The following TEAD2 variants were observed in gnomAD, a reference collection of about 807,000 sequenced individuals.
TEAD2 encodes the protein transcriptional enhancer factor TEF-4.
Under a neutral mutation model 61.4 loss-of-function variants are expected in TEAD2, and 51 were observed. The observed-to-expected ratio is 0.83, with a 90% confidence interval of 0.66 to 1.05. The LOEUF (loss-of-function observed/expected upper bound fraction) is 1.05, where lower values mean the gene tolerates loss of function less well. Ranked by LOEUF, TEAD2 falls within the 50% of genes least tolerant of loss-of-function variation. The pLI is 0.00. For missense variants in TEAD2, 509 were observed against 600.0 expected (o/e 0.85, Z 1.58); for synonymous variants, 244 against 243.2 (o/e 1.00, Z -0.03).
chr19:49,343,795 G>T (rs1971455776), intron 10 of TEAD2, among the ~76,000 whole-genome samples: 1 of 145,924 alleles, frequency 6.9e-6, no homozygotes, highest in African/African-American at 2.5e-5. Flanking sequence ...TACCCCTGCA[G>T]TTCCCGGCTT....
chr19:49,352,427 G>C (rs1490963873), intron 7 of TEAD2, among the ~76,000 whole-genome samples: 1 of 152,202 alleles, frequency 6.6e-6, no homozygotes, highest in East Asian at 1.9e-4. Context: ...TCAGAGGTCA[G>C]ACCAGGCGCA....
intron 10 of TEAD2, among the ~76,000 whole-genome samples, chr19:49,343,854 T>TGGGG (rs201072189): frequency 1.5e-3 from 165 of 111,144 alleles, no homozygotes; most frequent in East Asian, 3.3e-3. Flanking sequence ...GTCTTTTTTT[T>TGGGG]TGGGGGGGGG....
At chr19:49,361,231 G>A (rs140290544) in intron 1 of TEAD2, among the ~76,000 whole-genome samples, 681 of 35,996 alleles carry the variant, frequency 0.019, 14 homozygotes, top group African/African-American at 0.04. Flanking sequence ...GAGAGAGGGT[G>A]ACAGAGACCC....
At chr19:49,351,548 G>A (rs542612703) in intron 7 of TEAD2, among the ~76,000 whole-genome samples, 183 bp from the exon 8 acceptor site, 3 of 152,292 alleles carry the variant, frequency 2.0e-5, no homozygotes, top group African/African-American at 7.2e-5. Flanking sequence ...GAGGACAACT[G>A]AGGTATAGAG....
At chr19:49,344,389 T>C (rs1600707439) in intron 10 of TEAD2, among the ~76,000 whole-genome samples, 1 of 152,116 alleles carries the variant, frequency 6.6e-6, no homozygotes, top group Non-Finnish European at 1.5e-5. Context: ...CAAGCGATTC[T>C]CCTGCCTCAG....
At chr19:49,355,863 A>G in intron 5 of TEAD2, 96 bp downstream of exon 5, 2 of 1,122,908 alleles carry the variant, frequency 1.8e-6, no homozygotes, top group Non-Finnish European at 2.3e-6. Context: ...GGGTTGGGGG[A>G]GGGTTGAACC....
chr19:49,352,493 G>T (rs946398907), intron 7 of TEAD2, among the ~76,000 whole-genome samples: 43 of 152,236 alleles, frequency 2.8e-4, no homozygotes, highest in African/African-American at 9.9e-4. Context: ...AAGATCGCTT[G>T]AGCCCAGGAG....
rs1972632924 is a variant in TEAD2, at chr19:49,359,241, A to C, written c.297+194T>G. The C allele has an allele frequency of 1.1e-5, 7 of 615,512 alleles. No homozygotes were observed. Among genetic ancestry groups the C allele is most frequent in the Admixed American group, 5.6e-5 (2 of 35,534 alleles). 38.1% of individuals were successfully genotyped at this position (615,512 alleles called of 1,614,324 possible). On this transcript the variant is annotated intron_variant, in intron 3 of 12. Coordinates refer to ENST00000593945, the MANE Select transcript of TEAD2 (RefSeq NM_001256660.2). The surrounding 1 kb of genome is among the most constrained non-coding windows in gnomAD (Gnocchi z 4.1). ...CAACAGAGCTAGACTCCATTTCAAA[A>C]AATAAACAAATACATAAATAACCCA...
chr19:49,343,417 C>G lies in TEAD2; in HGVS notation c.922-19G>C. 1.3e-6 allele frequency: 2 copies of G among 1,588,620 alleles called. No homozygotes were observed. The highest frequency in any genetic ancestry group is 1.7e-6 in the Non-Finnish European group (2 of 1,170,846). ...GGTCCGCCTGGGAGATGGGAAGGCA[C>G]AGATGAGTCAGAGGGGACATCCCTT... On this transcript the variant is annotated intron_variant, in intron 10 of 12. Transcript: ENST00000593945.
At chr19:49,347,067 G>C in intron 10 of TEAD2, 123 bp downstream of exon 10, 1 of 1,317,732 alleles carries the variant, frequency 7.6e-7, no homozygotes. Context: ...CAAGCCATGA[G>C]GACTGACTGG....
At chr19:49,360,919 A>AGGGGACAGAGACCCAGTGAAGGG (rs1199597051) in intron 1 of TEAD2, among the ~76,000 whole-genome samples, 1 of 87,564 alleles carries the variant, frequency 1.1e-5, no homozygotes, top group African/African-American at 4.9e-5. Flanking sequence ...CAGAGAGAGA[A>AGGGGACAGAGACCCAGTGAAGGG]GGGGACAGAG....
intron 10 of TEAD2, 26 bp downstream of exon 10, chr19:49,347,164 C>CT: frequency 1.2e-6 from 2 of 1,610,648 alleles, no homozygotes; most frequent in Non-Finnish European, 1.7e-6. Flanking sequence ...TTTGTGAGCA[C>CT]TTTTGATTTT....
In TEAD2 at chr19:49,341,295, G is replaced by C. The variant is rs2146248907; in HGVS notation, c.*29C>G. The stretch of plus-strand genomic sequence containing the variant: ...ACCCTCCCTGGGAGGAGGGTGTTCT[G>C]GGGGGTGAGCCAGTTTTGGGGTCCC... On this transcript the variant is annotated 3_prime_UTR_variant, in exon 13 of 13. Transcript: ENST00000593945. The surrounding 1 kb of genome is among the most constrained non-coding windows in gnomAD (Gnocchi z 4.2). 6.3e-7 allele frequency: 1 copy of C among 1,582,634 alleles called. No homozygotes were observed. Among genetic ancestry groups the C allele is most frequent in the Middle Eastern group, 1.7e-4 (1 of 5,902 alleles).
intron 5 of TEAD2, among the ~76,000 whole-genome samples, chr19:49,355,635 T>C (rs1972341016): frequency 6.6e-6 from 1 of 152,134 alleles, no homozygotes; most frequent in Non-Finnish European, 1.5e-5. Flanking sequence ...AGTATCAGCC[T>C]GGCCAATATG....
At chr19:49,345,077 G>A (rs1389504939) in intron 10 of TEAD2, among the ~76,000 whole-genome samples, 2 of 152,144 alleles carry the variant, frequency 1.3e-5, no homozygotes, top group Non-Finnish European at 2.9e-5. Flanking sequence ...CAGCAGCTGG[G>A]CTTCCTAAGG....
chr19:49,353,046 C>G (rs1972123529), intron 7 of TEAD2, among the ~76,000 whole-genome samples: 1 of 152,048 alleles, frequency 6.6e-6, no homozygotes, highest in African/African-American at 2.4e-5. Flanking sequence ...GATCTCCTAC[C>G]TGAGGACTTT....
chr19:49,345,762 C>T (rs535101261), intron 10 of TEAD2, among the ~76,000 whole-genome samples: 33 of 152,190 alleles, frequency 2.2e-4, no homozygotes, highest in Non-Finnish European at 4.3e-4. Flanking sequence ...GGCACTGTGG[C>T]TCACACTTGT....
At chr19:49,356,285 A>G (rs1373558749) in intron 4 of TEAD2, 1 of 244,644 alleles carries the variant, frequency 4.1e-6, no homozygotes, top group Non-Finnish European at 7.8e-6. Flanking sequence ...TTCCTAATCC[A>G]GACAGAACAG....
At position 49,341,260 on chromosome 19, in the gene TEAD2, G is replaced by T. The variant is rs946047007; in HGVS notation, c.*64C>A. The T allele has an allele frequency of 5.9e-6, 8 of 1,353,712 alleles. No homozygotes were observed. The Admixed American group carries it at 1.2e-4, about 20-fold the overall frequency. The allele number at this position is 1,353,712 out of a possible 1,614,324, so 83.9% of individuals were successfully genotyped here. On this transcript the variant is annotated 3_prime_UTR_variant, in exon 13 of 13. Transcript: ENST00000593945. This position sits in a 1 kb window ranked among gnomAD's most constrained non-coding sequence, Gnocchi z 4.2. ...TCTCCCCAAATAAGAAGCATGAGGT[G>T]AGCTGGAGGACCCTCCCTGGGAGGA... is the stretch of plus-strand genomic sequence containing the variant.
Sources: gnomAD v4.1 joint callset for allele counts (sites outside exome capture counted in the v4.1 genomes callset) on GRCh38, gnomAD v4.1.1 for gene constraint, Gnocchi (gnomAD v3.1) non-coding constraint, MANE v1.5 for transcripts, NCBI Gene and HGNC (gene_info 2026-07-23, HGNC 2026-07-21) for gene names.